PCDH15: variants seen among roughly 807,000 people sequenced by gnomAD.
The protein encoded by PCDH15 is protocadherin related 15, also known as protocadherin-15.
A neutral mutation model predicts 178.5 loss-of-function variants in PCDH15; 129 were observed. The ratio of observed to expected loss-of-function variants is 0.72; its 90% CI spans 0.63 to 0.84. The LOEUF (loss-of-function observed/expected upper bound fraction) is 0.84, where lower values mean the gene tolerates loss of function less well. PCDH15 is among the 40% of genes least tolerant of loss of function. PCDH15 has a pLI of 0.00. For synonymous variants in PCDH15, 800 were observed against 732.0 expected (o/e 1.09, Z -1.50); for missense variants, 2,230 against 2,099.9 (o/e 1.06, Z -1.21).
chr10:54,715,140 T>C (rs766575651), intron 1 of PCDH15, among the ~76,000 whole-genome samples: 44 of 152,200 alleles, frequency 2.9e-4, no homozygotes, highest in Non-Finnish European at 4.7e-4. Context: ...TTCACCACTA[T>C]ATTTCAAGTG....
intron 32 of PCDH15, chr10:53,823,214 G>C (rs1210214027): frequency 6.2e-7 from 1 of 1,613,874 alleles, no homozygotes. Context: ...TCAGTTTGTT[G>C]CTCTTAAGTG....
chr10:55,405,258 T>C (rs1480246849), intron 2 of PCDH15, among the ~76,000 whole-genome samples: 1 of 120,198 alleles, frequency 8.3e-6, no homozygotes, highest in African/African-American at 3.1e-5. Flanking sequence ...TTTATGCATA[T>C]GTGTATATGT....
At chr10:54,785,936 T>C (rs571362996) in intron 1 of PCDH15, among the ~76,000 whole-genome samples, 1 of 152,130 alleles carries the variant, frequency 6.6e-6, no homozygotes, top group South Asian at 2.1e-4. Context: ...GTTTCCTTTC[T>C]AATAAATAAT....
intron 2 of PCDH15, chr10:54,607,994 T>A (rs746549912): frequency 2.1e-6 from 1 of 477,758 alleles, no homozygotes; most frequent in South Asian, 1.5e-5. Flanking sequence ...CTACATCATT[T>A]TGGTTATTGT....
intron 2 of PCDH15, among the ~76,000 whole-genome samples, chr10:54,901,459 T>C (rs1954638822): frequency 6.6e-6 from 1 of 152,136 alleles, no homozygotes; most frequent in African/African-American, 2.4e-5. Context: ...AAGACACAGA[T>C]AATTTTATCA....
chr10:54,997,153 C>G (rs1839669718), intron 2 of PCDH15, among the ~76,000 whole-genome samples: 1 of 151,776 alleles, frequency 6.6e-6, no homozygotes, highest in Non-Finnish European at 1.5e-5. Context: ...CTGCTGCACC[C>G]AAAATATTGG....
chr10:54,364,369 T>A (rs1429414268), intron 5 of PCDH15, among the ~76,000 whole-genome samples: 1 of 152,174 alleles, frequency 6.6e-6, no homozygotes, highest in Admixed American at 6.6e-5. Context: ...TAAGGAGCAT[T>A]TCTAGTTTGT....
chr10:54,770,235 T>G (rs1161769881), intron 1 of PCDH15, among the ~76,000 whole-genome samples: 1 of 152,084 alleles, frequency 6.6e-6, no homozygotes, highest in Non-Finnish European at 1.5e-5. Flanking sequence ...CTGTTAATGG[T>G]TTCAAATTAT....
intron 2 of PCDH15, among the ~76,000 whole-genome samples, chr10:54,613,924 C>T (rs761711962): frequency 6.6e-6 from 1 of 151,480 alleles, no homozygotes; most frequent in South Asian, 2.1e-4. Flanking sequence ...CAGGAGACAA[C>T]GAACTCCCAG....
At chr10:54,500,753 C>T (rs2080596345) in intron 3 of PCDH15, among the ~76,000 whole-genome samples, 1 of 151,986 alleles carries the variant, frequency 6.6e-6, no homozygotes, top group South Asian at 2.1e-4. Flanking sequence ...TCACTTGAAC[C>T]CAGGCAAGAG....
At chr10:53,827,248 G>C in intron 32 of PCDH15, 145 bp downstream of exon 32, 2 of 1,204,552 alleles carry the variant, frequency 1.7e-6, no homozygotes, top group South Asian at 5.4e-5. Context: ...TTAGATTTTC[G>C]TCTTAACAAA....
chr10:55,351,987 T>C (rs1428334529), intron 2 of PCDH15, among the ~76,000 whole-genome samples: 2 of 152,170 alleles, frequency 1.3e-5, no homozygotes, highest in Non-Finnish European at 2.9e-5. Context: ...CTAAATACTT[T>C]GCATGTATCA....
At chr10:54,262,526 A>G (rs919776697) in intron 8 of PCDH15, among the ~76,000 whole-genome samples, 1 of 152,042 alleles carries the variant, frequency 6.6e-6, no homozygotes, top group Non-Finnish European at 1.5e-5. Context: ...CCAGTGCTTA[A>G]AGCTTAGAGG....
intron 32 of PCDH15, among the ~76,000 whole-genome samples, 171 bp from the exon 33 acceptor site, chr10:53,820,401 T>C (rs988865803): frequency 1.3e-5 from 2 of 150,878 alleles, no homozygotes; most frequent in Admixed American, 6.6e-5. Flanking sequence ...GGTCAAATTA[T>C]TGAAGAAATA....
At chr10:53,887,516 G>A (rs2921925) in intron 26 of PCDH15, among the ~76,000 whole-genome samples, 117,262 of 152,124 alleles carry the variant, frequency 0.77, 45,935 homozygotes, top group East Asian at 1. Context: ...CTAAAATTGT[G>A]TCTCTACAGC....
At chr10:54,757,281 T>TCCTTTAGAAAAC (rs1566146509) in intron 1 of PCDH15, among the ~76,000 whole-genome samples, 2 of 60,226 alleles carry the variant, frequency 3.3e-5, no homozygotes, top group Non-Finnish European at 7.0e-5. Context: ...TCTACCTTTT[T>TCCTTTAGAAAAC]TTTTTTTTTT....
intron 3 of PCDH15, among the ~76,000 whole-genome samples, chr10:54,853,291 A>ATG (rs1564570137): frequency 2.8e-4 from 16 of 58,180 alleles, no homozygotes; most frequent in South Asian, 1.6e-3. Flanking sequence ...GTATGTGTGT[A>ATG]TATATATATA....
rs575755913 is a variant in PCDH15, at chr10:54,168,992, G to C, written c.1590+14452C>G. Among the ~76,000 whole-genome samples, 96 of 152,194 alleles carry C rather than the reference G, an allele frequency of 6.3e-4. No individual in the cohort carries two copies. The East Asian group carries it at 0.015, about 23-fold the overall frequency. ...CAAATGCCTGAACCGCAGCGGCCAG[G>C]CGTTCCTCCAGAACCTCCTCCCACA... On this transcript the variant is annotated intron_variant, in intron 13 of 37. Transcript: ENST00000644397.
intron 2 of PCDH15, among the ~76,000 whole-genome samples, chr10:54,600,922 G>T (rs998292184): frequency 6.6e-6 from 1 of 151,972 alleles, no homozygotes; most frequent in Non-Finnish European, 1.5e-5. Context: ...TTGGAAGGGG[G>T]TCACTCAGAA....
Sources: allele counts gnomAD v4.1 joint callset (sites outside exome capture counted in the v4.1 genomes callset), GRCh38; gene constraint gnomAD v4.1.1; transcripts MANE v1.5; gene names NCBI Gene and HGNC (gene_info 2026-07-23, HGNC 2026-07-21).